The following UTP18 variants were observed in gnomAD, a reference collection of about 807,000 sequenced individuals.
UTP18 encodes the protein U3 small nucleolar RNA-associated protein 18 homolog.
In UTP18, 36 loss-of-function variants were observed where a neutral mutation model predicts 61.1. The ratio of observed to expected loss-of-function variants is 0.59; its 90% confidence interval spans 0.45 to 0.78. The LOEUF is 0.78. UTP18 is among the 30% of genes least tolerant of loss of function. The pLI is 0.00. For synonymous variants in UTP18, 282 were observed against 251.1 expected, an observed-to-expected ratio of 1.12 and a Z score of -1.16; for missense variants, 753 against 693.9, an observed-to-expected ratio of 1.09 and a Z score of -0.96.
intron 1 of UTP18, 112 bp downstream of exon 1, chr17:51,261,038 G>C: frequency 2.9e-6 from 3 of 1,022,036 alleles, no homozygotes; most frequent in Non-Finnish European, 3.8e-6. Context: ...GAGCGCTCAG[G>C]TGGGAGGGAG....
At position 51,260,634 on chromosome 17, in the gene UTP18, C is replaced by CGAAGCCGAAGCG; in HGVS notation, c.57_68dup (p.Lys20_Pro23dup). Reference sequence around the variant, plus strand: ...ATGAAACTGGACCGGAGAACCGGAGCGAAGCCGAAGCGGAAGCCCGGAATG... The same window carrying CGAAGCCGAAGCG: ...ATGAAACTGGACCGGAGAACCGGAGCGAAGCCGAAGCGGAAGCCGAAGCGGAAGCCCGGAATG... On this transcript the variant is annotated inframe_insertion, in exon 1 of 14. Transcript: ENST00000225298. 6.2e-7 allele frequency: 1 copy of CGAAGCCGAAGCG among 1,612,556 alleles called. No homozygotes were observed. Among genetic ancestry groups the CGAAGCCGAAGCG allele is most frequent in the Non-Finnish European group, 8.5e-7 (1 of 1,179,696 alleles).
intron 5 of UTP18, 137 bp downstream of exon 5, chr17:51,273,587 C>T: frequency 3.8e-6 from 2 of 532,526 alleles, no homozygotes; most frequent in African/African-American, 2.0e-5. Flanking sequence ...CTGGTAAATA[C>T]TTATGTTATT....
intron 7 of UTP18, among the ~76,000 whole-genome samples, chr17:51,279,108 A>G (rs1215192776): frequency 6.6e-6 from 1 of 152,218 alleles, no homozygotes; most frequent in Non-Finnish European, 1.5e-5. Context: ...AAAAATATAG[A>G]CATATATTTT....
Position 51,266,221 on chromosome 17 carries a change from GA to G in UTP18, c.500del (p.Asn167MetfsTer70). The G allele has an allele frequency of 3.7e-6, 6 of 1,601,064 alleles. No homozygotes were observed. Among genetic ancestry groups the G allele is most frequent in the Non-Finnish European group, 5.1e-6 (6 of 1,175,760 alleles). On this transcript the variant is annotated frameshift_variant, in exon 3 of 14. Transcript: ENST00000225298. LOFTEE classifies it high-confidence loss of function. ...ACAATCGGTTTCGGAAGGATATGAT[GA>G]AAAATGCTAGTGAAAGTAAACTTTC... ...MNNRFRKDMM[K>X]NASESKLSKD...
At chr17:51,266,357 G>A (rs1379485654) in intron 3 of UTP18, 77 bp downstream of exon 3, 3 of 1,014,078 alleles carry the variant, frequency 3.0e-6, no homozygotes, top group Non-Finnish European at 4.1e-6. Context: ...ACCGCTTCTT[G>A]TGTAGTTTTC....
chr17:51,264,301 C>T (rs777551199), intron 2 of UTP18, among the ~76,000 whole-genome samples: 1 of 152,158 alleles, frequency 6.6e-6, no homozygotes, highest in Non-Finnish European at 1.5e-5. Flanking sequence ...CCGTCTCTGC[C>T]TCCCAAAGTG....
In UTP18 at chr17:51,296,983, C is replaced by T; in HGVS notation, c.1665C>T (p.Asp555=). 1 of 1,606,214 alleles carries T rather than the reference C, an allele frequency of 6.2e-7. No homozygotes were observed. The highest frequency in any genetic ancestry group is 8.5e-7 in the Non-Finnish European group (1 of 1,176,988). Residue 555 remains aspartate, a synonymous_variant, in exon 13 of 14, where the codon GAC becomes GAT. Transcript: ENST00000225298. ...ALMYRLHHYS[D]F ...TTTCCAGGTTGCACCATTACTCAGA[C>T]TTCTAAAGAGACTATTTGAAGTAAG...
Position 51,263,257 on chromosome 17 carries a change from T to A in UTP18, c.343-17T>A. The A allele has an allele frequency of 6.2e-7, 1 of 1,606,830 alleles. No homozygotes were observed. Among genetic ancestry groups the A allele is most frequent in the Non-Finnish European group, 8.5e-7 (1 of 1,173,802 alleles). On this transcript the variant is annotated splice_polypyrimidine_tract_variant and intron_variant, in intron 1 of 13. Coordinates refer to ENST00000225298, the MANE Select transcript of UTP18 (RefSeq NM_016001.3). ...ATAGGAAAATCTCAGTGCTTGAGGG[T>A]GTTTTGTCTGCTGTAGGTTCAAGAA...
At chr17:51,282,156 A>G (rs77637737) in intron 9 of UTP18, among the ~76,000 whole-genome samples, 1,978 of 152,302 alleles carry the variant, frequency 0.013, 24 homozygotes, top group Middle Eastern at 0.031. Context: ...GAGACTTTCA[A>G]GTGGTTCTGC....
intron 2 of UTP18, among the ~76,000 whole-genome samples, chr17:51,265,077 A>C (rs931860686): frequency 4.6e-5 from 7 of 152,124 alleles, no homozygotes; most frequent in African/African-American, 7.2e-5. Flanking sequence ...GAGAATTTCA[A>C]ACCTTTATAT....
intron 11 of UTP18, among the ~76,000 whole-genome samples, chr17:51,293,074 TTAAC>T (rs1458865774): frequency 6.6e-6 from 1 of 152,360 alleles, no homozygotes. Context: ...TTTTCACCAT[TTAAC>T]TAACCAGATG....
At chr17:51,275,661 ATTC>A (rs748009097) in intron 5 of UTP18, among the ~76,000 whole-genome samples, 3 of 151,180 alleles carry the variant, frequency 2.0e-5, no homozygotes, top group African/African-American at 4.9e-5. Context: ...GTAAAAATGG[ATTC>A]TTTTGTGGTA....
At chr17:51,262,780 G>A (rs1458747107) in intron 1 of UTP18, among the ~76,000 whole-genome samples, 1 of 152,098 alleles carries the variant, frequency 6.6e-6, no homozygotes, top group Non-Finnish European at 1.5e-5. Context: ...TCGAACTCCT[G>A]GGCCCAAGCA....
chr17:51,268,933 G>A (rs934155724), intron 4 of UTP18, 29 bp downstream of exon 4: 3 of 1,597,638 alleles, frequency 1.9e-6, no homozygotes, highest in Non-Finnish European at 2.6e-6. Context: ...GTTTAAATTA[G>A]TACATAAGTC....
chr17:51,280,507 G>T, intron 9 of UTP18, 28 bp downstream of exon 9: 12 of 1,610,066 alleles, frequency 7.5e-6, no homozygotes, highest in Non-Finnish European at 1.0e-5. Flanking sequence ...AAGAAGCTAA[G>T]GATATTTTTA....
At chr17:51,265,489 C>G (rs1389307141) in intron 2 of UTP18, among the ~76,000 whole-genome samples, 1 of 149,586 alleles carries the variant, frequency 6.7e-6, no homozygotes, top group Non-Finnish European at 1.5e-5. Context: ...TCTCGAGCTC[C>G]CGACCTTCAG....
At chr17:51,291,039 G>A (rs1454330073) in intron 11 of UTP18, among the ~76,000 whole-genome samples, 1 of 152,166 alleles carries the variant, frequency 6.6e-6, no homozygotes, top group East Asian at 1.9e-4. Context: ...ATTAAATCAA[G>A]GATGAGCGAG....
At chr17:51,263,460 CT>C in intron 2 of UTP18, 74 bp downstream of exon 2, 1 of 1,102,518 alleles carries the variant, frequency 9.1e-7, no homozygotes, top group Non-Finnish European at 1.3e-6. Context: ...TAAAATCATT[CT>C]TTTTACCAAT....
intron 11 of UTP18, among the ~76,000 whole-genome samples, chr17:51,293,337 T>A (rs958994256): frequency 4.6e-5 from 7 of 152,162 alleles, no homozygotes; most frequent in African/African-American, 1.7e-4. Flanking sequence ...CACAGTAGAA[T>A]AATAGGCATT....
Sources: gnomAD v4.1 joint callset for allele counts (sites outside exome capture counted in the v4.1 genomes callset) on GRCh38, gnomAD v4.1.1 for gene constraint, MANE v1.5 for transcripts, NCBI Gene and HGNC (gene_info 2026-07-23, HGNC 2026-07-21) for gene names.